The following SLC8A1 variants were observed in gnomAD, a reference collection of about 807,000 sequenced individuals.
The protein encoded by SLC8A1 is sodium/calcium exchanger 1.
A neutral mutation model predicts 68.3 loss-of-function variants in SLC8A1; 18 were observed. That is an observed-to-expected ratio of 0.26 (90% confidence interval 0.18 to 0.39). The LOEUF (loss-of-function observed/expected upper bound fraction) is 0.39, where lower values mean the gene tolerates loss of function less well. Ranked by LOEUF, SLC8A1 falls within the 10% of genes least tolerant of loss-of-function variation. SLC8A1 has a pLI of 1.00. For missense variants in SLC8A1, 985 were observed against 1,156.7 expected, an observed-to-expected ratio of 0.85 and a Z score of 2.15; for synonymous variants, 475 against 415.5, an observed-to-expected ratio of 1.14 and a Z score of -1.74.
chr2:40,423,352 G>T (rs928784538), intron 2 of SLC8A1, among the ~76,000 whole-genome samples: 1 of 152,008 alleles, frequency 6.6e-6, no homozygotes, highest in Non-Finnish European at 1.5e-5. Flanking sequence ...AATGAAATTT[G>T]TACTTATCAG....
At chr2:40,181,069 C>T (rs2049446685) in intron 2 of SLC8A1, among the ~76,000 whole-genome samples, 1 of 152,176 alleles carries the variant, frequency 6.6e-6, no homozygotes, top group Non-Finnish European at 1.5e-5. Flanking sequence ...AAGCGATTCC[C>T]CTGCCTCAGC....
rs184475625 is a variant in SLC8A1, at chr2:40,411,240, G to C, written c.1808+17233C>G. On this transcript the variant is annotated intron_variant, in intron 2 of 7. Transcript: ENST00000406785. ...ATCTACGCACATTTCAAAGGTAACT[G>C]ATTTAAAGTTAATAATAGCTAGCAT... Among the ~76,000 whole-genome samples the C allele has an allele frequency of 2.2e-4, 34 of 152,120 alleles. 2 individuals carry two copies. The East Asian group carries it at 5.2e-3, about 23-fold the overall frequency.
At chr2:40,475,616 A>G (rs1704247299) in intron 1 of SLC8A1, among the ~76,000 whole-genome samples, 1 of 152,098 alleles carries the variant, frequency 6.6e-6, no homozygotes, top group African/African-American at 2.4e-5. Context: ...GTACATGTAC[A>G]TATACATACA....
intron 7 of SLC8A1, among the ~76,000 whole-genome samples, chr2:40,122,253 C>G (rs1226858868): frequency 2.6e-5 from 4 of 151,736 alleles, no homozygotes; most frequent in African/African-American, 7.3e-5. Flanking sequence ...CACACACACA[C>G]TTCACTGGTT....
At chr2:40,400,564 T>G (rs549107740) in intron 2 of SLC8A1, among the ~76,000 whole-genome samples, 2 of 152,218 alleles carry the variant, frequency 1.3e-5, no homozygotes, top group Admixed American at 6.5e-5. Context: ...AAAACTTTCA[T>G]GGATCACATG....
intron 2 of SLC8A1, among the ~76,000 whole-genome samples, chr2:40,301,685 G>C (rs2071490140): frequency 6.6e-6 from 1 of 152,146 alleles, no homozygotes; most frequent in African/African-American, 2.4e-5. Context: ...GGGAGGCTAA[G>C]GCAGGTGGAT....
chr2:40,150,565 C>T (rs1471827425), intron 6 of SLC8A1, among the ~76,000 whole-genome samples: 1 of 152,176 alleles, frequency 6.6e-6, no homozygotes, highest in Non-Finnish European at 1.5e-5. Flanking sequence ...CTCTTGGACC[C>T]AGTGATGGCA....
intron 2 of SLC8A1, among the ~76,000 whole-genome samples, chr2:40,316,165 T>C (rs2074421095): frequency 6.6e-6 from 1 of 152,102 alleles, no homozygotes; most frequent in Non-Finnish European, 1.5e-5. Context: ...GTTGTGATCA[T>C]GATCAGTAAA....
chr2:40,442,263 C>CA (rs532163194), intron 1 of SLC8A1, among the ~76,000 whole-genome samples: 3,945 of 137,592 alleles, frequency 0.029, 145 homozygotes, highest in African/African-American at 0.089. Flanking sequence ...AGTGATAATT[C>CA]AAAAAAAAAA....
At chr2:40,446,617 C>T (rs925935371) in intron 1 of SLC8A1, 1 of 152,256 alleles carries the variant, frequency 6.6e-6, no homozygotes, top group African/African-American at 2.4e-5. Context: ...CAGCCTTGTA[C>T]TTCAGCATAG....
intron 2 of SLC8A1, chr2:40,223,528 C>G (rs1425787436): frequency 6.6e-6 from 1 of 151,698 alleles, no homozygotes; most frequent in African/African-American, 2.4e-5. Flanking sequence ...AAAAAAAAGT[C>G]TGAGTGTCTT....
chr2:40,198,720 C>T (rs1007030632), intron 2 of SLC8A1, among the ~76,000 whole-genome samples: 15 of 151,856 alleles, frequency 9.9e-5, no homozygotes, highest in African/African-American at 3.6e-4. Context: ...CATGAGAACA[C>T]TGGCATGATA....
At chr2:40,378,603 G>A (rs1343575818) in intron 2 of SLC8A1, among the ~76,000 whole-genome samples, 3 of 152,118 alleles carry the variant, frequency 2.0e-5, no homozygotes, top group Non-Finnish European at 4.4e-5. Context: ...CTAGAACCAA[G>A]TCAGAGTGTT....
chr2:40,177,737 T>C, intron 3 of SLC8A1: 1 of 1,477,756 alleles, frequency 6.8e-7, no homozygotes. Context: ...GGTATGTCTT[T>C]GTTTACTCTC....
intron 2 of SLC8A1, among the ~76,000 whole-genome samples, chr2:40,183,702 G>A (rs1045806044): frequency 1.3e-5 from 2 of 152,284 alleles, no homozygotes; most frequent in Non-Finnish European, 2.9e-5. Context: ...TTGTTATTAA[G>A]TTGGATGATA....
chr2:40,352,967 T>C (rs916537847), intron 2 of SLC8A1, among the ~76,000 whole-genome samples: 1 of 152,122 alleles, frequency 6.6e-6, no homozygotes, highest in Non-Finnish European at 1.5e-5. Context: ...TGGCAGGGCA[T>C]AACTCTCACT....
chr2:40,297,247 T>G (rs766046013), intron 2 of SLC8A1, among the ~76,000 whole-genome samples: 1 of 152,190 alleles, frequency 6.6e-6, no homozygotes, highest in Non-Finnish European at 1.5e-5. Flanking sequence ...ATGTAATACA[T>G]AAATACATGT....
At chr2:40,361,598 T>G (rs1161325441) in intron 2 of SLC8A1, among the ~76,000 whole-genome samples, 1 of 151,964 alleles carries the variant, frequency 6.6e-6, no homozygotes, top group Non-Finnish European at 1.5e-5. Context: ...AATCAAGAAC[T>G]CATTATGAGG....
At chr2:40,191,056 G>C (rs1160996076) in intron 2 of SLC8A1, among the ~76,000 whole-genome samples, 1 of 152,146 alleles carries the variant, frequency 6.6e-6, no homozygotes, top group Non-Finnish European at 1.5e-5. Flanking sequence ...TGGTAAGCTT[G>C]TAGGCATAGT....
Sources: allele counts gnomAD v4.1 joint callset (sites outside exome capture counted in the v4.1 genomes callset), GRCh38; gene constraint gnomAD v4.1.1; transcripts MANE v1.5; gene names NCBI Gene and HGNC (gene_info 2026-07-23, HGNC 2026-07-21).